ATXN10: variants seen among roughly 807,000 people sequenced by gnomAD.
The protein encoded by ATXN10 is ataxin-10.
ATXN10 carries 28 observed loss-of-function variants against 52.9 expected under a neutral mutation model. The observed-to-expected ratio is 0.53, with a 90% CI of 0.39 to 0.73. The LOEUF is 0.73. Ranked by LOEUF, ATXN10 falls within the 30% of genes least tolerant of loss-of-function variation. ATXN10 has a pLI of 0.00. For missense variants in ATXN10, 565 were observed against 577.0 expected (o/e 0.98, Z 0.21); for synonymous variants, 226 against 221.5 (o/e 1.02, Z -0.18).
In ATXN10 at chr22:45,738,783, A is replaced by G. The variant is rs1925398740; in HGVS notation, c.947A>G (p.Asn316Ser). 3 of 1,614,072 alleles carry G rather than the reference A, an allele frequency of 1.9e-6. No individual in the cohort carries two copies. The highest frequency in any genetic ancestry group is 1.1e-5 in the South Asian group (1 of 91,094). The stretch of plus-strand genomic sequence containing the variant: ...GACGTCCTGTGCGAAATGACTGTGA[A>G]TACTGAGCTGCTCGGCTATCTGCAG... ...LLDVLCEMTVNTELLGYLQVF... is the reference protein window; with the variant it reads ...LLDVLCEMTVSTELLGYLQVF... Residue 316 changes from asparagine (N) to serine (S), a missense_variant, in exon 8 of 12, where the codon AAT (asparagine) becomes AGT (serine). Transcript: ENST00000252934.
intron 10 of ATXN10, among the ~76,000 whole-genome samples, chr22:45,817,376 G>A (rs1208572128): frequency 7.1e-6 from 1 of 141,702 alleles, no homozygotes; most frequent in Non-Finnish European, 1.5e-5. Flanking sequence ...CCAGGCTGGA[G>A]TGCAATGGCG....
chr22:45,700,408 T>A, intron 4 of ATXN10, 30 bp downstream of exon 4: 2 of 1,533,404 alleles, frequency 1.3e-6, no homozygotes, highest in Non-Finnish European at 1.8e-6. Context: ...TTTTTCTAAC[T>A]TGTGAGAAGA....
rs1045702046 is a variant in ATXN10, at chr22:45,740,953, A to T, written c.1173+415A>T. ...ATGTTTTAAAATGGATATAAAAGGA[A>T]TATAATATTTAAGTATGAAGTCTTT... On this transcript the variant is annotated intron_variant, in intron 9 of 11. Transcript: ENST00000252934. Among the ~76,000 whole-genome samples the T allele has an allele frequency of 2.6e-5, 4 of 152,248 alleles. No homozygotes were observed. In the East Asian group the frequency reaches 7.7e-4, roughly 29 times the overall value.
Position 45,688,701 on chromosome 22 carries a change from C to T in ATXN10, c.117-1011C>T, listed in dbSNP as rs1923246253. On this transcript the variant is annotated intron_variant, in intron 1 of 11. Coordinates refer to ENST00000252934, the MANE Select transcript of ATXN10 (RefSeq NM_013236.4). The surrounding 1 kb of genome is among the most constrained non-coding windows in gnomAD (Gnocchi z 4.0). ...AATGAACATGTGGCTCCCTGCTGGT[C>T]TGGCTCAATCCAAGGGTGAAAGGTA... Among the ~76,000 whole-genome samples, 1 of 152,208 alleles carries T rather than the reference C, an allele frequency of 6.6e-6. No homozygotes were observed. Among genetic ancestry groups the T allele is most frequent in the African/African-American group, 2.4e-5 (1 of 41,452 alleles).
intron 8 of ATXN10, among the ~76,000 whole-genome samples, chr22:45,739,366 G>A (rs934176396): frequency 6.6e-6 from 1 of 152,156 alleles, no homozygotes; most frequent in African/African-American, 2.4e-5. Context: ...AGTAGAACCT[G>A]TTCCTTGTGG....
At position 45,787,789 on chromosome 22, in the gene ATXN10, T is replaced by A. The variant is rs970100070; in HGVS notation, c.1174-19170T>A. ...AATACATTTCTGAAAGAAGTTACCC[T>A]GAAAAACAATCAGCGGGCAAATAAT... On this transcript the variant is annotated intron_variant, in intron 9 of 11. Coordinates refer to ENST00000252934, the MANE Select transcript of ATXN10 (RefSeq NM_013236.4). This position sits in a 1 kb window ranked among gnomAD's most constrained non-coding sequence, Gnocchi z 4.2. Among the ~76,000 whole-genome samples, 37 of 152,338 alleles carry A rather than the reference T, an allele frequency of 2.4e-4. No homozygotes were observed. The highest frequency in any genetic ancestry group is 8.4e-4 in the African/African-American group (35 of 41,588).
intron 9 of ATXN10, among the ~76,000 whole-genome samples, chr22:45,773,502 A>G (rs1411690185): frequency 6.6e-6 from 1 of 151,972 alleles, no homozygotes; most frequent in Non-Finnish European, 1.5e-5. Context: ...TCTGTCACCC[A>G]GGCTGGAGTG....
intron 10 of ATXN10, among the ~76,000 whole-genome samples, chr22:45,813,677 C>T (rs948191243): frequency 1.3e-5 from 2 of 152,106 alleles, no homozygotes; most frequent in Non-Finnish European, 2.9e-5. Flanking sequence ...CTCTATCTCT[C>T]TAAGTTTTAG....
At chr22:45,724,776 G>A (rs566001859) in intron 6 of ATXN10, among the ~76,000 whole-genome samples, 3 of 152,194 alleles carry the variant, frequency 2.0e-5, no homozygotes, top group Admixed American at 2.0e-4. Context: ...TTTTCTCCTA[G>A]AATTTTTATG....
chr22:45,806,903 T>C (rs1928116904), intron 9 of ATXN10, 56 bp from the exon 10 acceptor site: 1 of 1,318,398 alleles, frequency 7.6e-7, no homozygotes, highest in Non-Finnish European at 1.1e-6. Flanking sequence ...TCATCTGTAA[T>C]CTCTGACTAT....
intron 9 of ATXN10, among the ~76,000 whole-genome samples, chr22:45,788,925 A>C (rs1183964593): frequency 6.6e-6 from 1 of 152,206 alleles, no homozygotes; most frequent in Non-Finnish European, 1.5e-5. Flanking sequence ...CTAGGATTAC[A>C]GGCATGAGCC....
intron 9 of ATXN10, chr22:45,760,695 A>T (rs1926355675): frequency 6.5e-6 from 1 of 153,948 alleles, no homozygotes; most frequent in Non-Finnish European, 1.5e-5. Context: ...TTTAATGATG[A>T]TACCTCTCCC....
Position 45,690,588 on chromosome 22 carries a change from T to C in ATXN10, c.308+685T>C, listed in dbSNP as rs1253396970. ...AGGTTGTAAATGTTTTAATTACTTTTAATGTTTTAATTTGTTACTCTTGTG... is the reference window on the plus strand; with the variant it reads ...AGGTTGTAAATGTTTTAATTACTTTCAATGTTTTAATTTGTTACTCTTGTG... On this transcript the variant is annotated intron_variant, in intron 2 of 11. Coordinates refer to ENST00000252934, the MANE Select transcript of ATXN10 (RefSeq NM_013236.4). This position sits in a 1 kb window ranked among gnomAD's most constrained non-coding sequence, Gnocchi z 4.5. Among the ~76,000 whole-genome samples, 1 of 152,258 alleles carries C rather than the reference T, an allele frequency of 6.6e-6. No individual in the cohort carries two copies. The highest frequency in any genetic ancestry group is 1.9e-4 in the East Asian group (1 of 5,200).
chr22:45,765,461 C>T (rs966024892), intron 9 of ATXN10, among the ~76,000 whole-genome samples: 3 of 152,194 alleles, frequency 2.0e-5, no homozygotes, highest in African/African-American at 7.2e-5. Context: ...TTATTCCTCT[C>T]TCTCTCCCTA....
chr22:45,740,054 C>T (rs1445660353), intron 8 of ATXN10, among the ~76,000 whole-genome samples: 1 of 152,054 alleles, frequency 6.6e-6, no homozygotes, highest in African/African-American at 2.4e-5. Flanking sequence ...GATTGGAAAC[C>T]TTTTTGTAAG....
At chr22:45,836,615 C>A (rs553412614) in intron 10 of ATXN10, among the ~76,000 whole-genome samples, 1 of 152,308 alleles carries the variant, frequency 6.6e-6, no homozygotes, top group South Asian at 2.1e-4. Flanking sequence ...GGACTCCCCC[C>A]TGGGGATGCA....
chr22:45,694,227 C>T (rs1923498594), intron 3 of ATXN10, among the ~76,000 whole-genome samples: 1 of 151,942 alleles, frequency 6.6e-6, no homozygotes. Context: ...CTAGCATCAA[C>T]ATCTTTCCTT....
chr22:45,822,466 G>A (rs1171760324), intron 10 of ATXN10, among the ~76,000 whole-genome samples: 4 of 149,680 alleles, frequency 2.7e-5, no homozygotes, highest in Admixed American at 6.6e-5. Flanking sequence ...GTCAGACCTC[G>A]TAATATTTGC....
At chr22:45,694,408 T>A (rs895491254) in intron 3 of ATXN10, among the ~76,000 whole-genome samples, 2 of 152,152 alleles carry the variant, frequency 1.3e-5, no homozygotes, top group African/African-American at 4.8e-5. Context: ...TTCTAGCACT[T>A]GGAGAGGCCA....
Sources: gnomAD v4.1 joint callset for allele counts (sites outside exome capture counted in the v4.1 genomes callset) on GRCh38, gnomAD v4.1.1 for gene constraint, Gnocchi (gnomAD v3.1) non-coding constraint, MANE v1.5 for transcripts, NCBI Gene and HGNC (gene_info 2026-07-23, HGNC 2026-07-21) for gene names.